Variants in MARCHF1 observed in about 807,000 individuals in gnomAD.
MARCHF1 encodes E3 ubiquitin-protein ligase MARCHF1.
MARCHF1 carries 40 observed loss-of-function variants against 54.2 expected under a neutral mutation model. That is an observed-to-expected ratio of 0.74 (90% CI 0.57 to 0.96). The LOEUF (loss-of-function observed/expected upper bound fraction) is 0.96. Ranked by LOEUF, MARCHF1 falls within the 40% of genes least tolerant of loss-of-function variation. The probability of loss-of-function intolerance (pLI) is 0.00; values close to 1 mark genes in which losing one functional copy is unlikely to be tolerated. For synonymous variants in MARCHF1, 236 were observed against 236.3 expected (o/e 1.00, Z 0.01); for missense variants, 586 against 656.5 (o/e 0.89, Z 1.17).
Position 163,807,005 on chromosome 4 carries a change from CAA to C in MARCHF1, c.111+47014_111+47015del, listed in dbSNP as rs1296939354. Among the ~76,000 whole-genome samples, 4 of 152,202 alleles carry C rather than the reference CAA, an allele frequency of 2.6e-5. No homozygotes were observed. In the East Asian group the frequency reaches 7.7e-4, roughly 29 times the overall value. On this transcript the variant is annotated intron_variant, in intron 4 of 9. Transcript: ENST00000514618. ...CTAAGCTTAAAATTAGAAGATGCCA[CAA>C]AAGAGTATCAGATAAAATATGCAAA...
intron 1 of MARCHF1, among the ~76,000 whole-genome samples, chr4:164,156,127 G>C (rs1730070282): frequency 6.6e-6 from 1 of 152,114 alleles, no homozygotes; most frequent in Non-Finnish European, 1.5e-5. Context: ...GTTGAAATGG[G>C]AAATCTGGGT....
At chr4:163,910,017 A>C (rs1489651447) in intron 3 of MARCHF1, among the ~76,000 whole-genome samples, 3 of 152,188 alleles carry the variant, frequency 2.0e-5, no homozygotes, top group Non-Finnish European at 4.4e-5. Flanking sequence ...AAATTATTTA[A>C]TTGTATCTCA....
chr4:163,898,146 T>C (rs779544099), intron 3 of MARCHF1, among the ~76,000 whole-genome samples: 2 of 149,710 alleles, frequency 1.3e-5, no homozygotes, highest in South Asian at 4.2e-4. Flanking sequence ...GAATTTATGG[T>C]AAAGACACCA....
intron 2 of MARCHF1, among the ~76,000 whole-genome samples, chr4:164,054,012 C>T (rs554914488): frequency 7.9e-4 from 120 of 152,108 alleles, no homozygotes; most frequent in Admixed American, 6.5e-4. Flanking sequence ...AGAAAATTTT[C>T]GCAACCTACT....
At chr4:163,929,085 T>C (rs1751599205) in intron 3 of MARCHF1, among the ~76,000 whole-genome samples, 2 of 152,022 alleles carry the variant, frequency 1.3e-5, no homozygotes, top group South Asian at 4.1e-4. Flanking sequence ...CATCCAAATA[T>C]TTTAATAGAG....
intron 4 of MARCHF1, among the ~76,000 whole-genome samples, chr4:163,714,091 T>G (rs781674150): frequency 2.6e-5 from 4 of 152,244 alleles, no homozygotes; most frequent in Non-Finnish European, 5.9e-5. Context: ...TGTCTCATGT[T>G]ATTCTTTCAC....
chr4:163,956,035 G>A (rs1482482252), intron 3 of MARCHF1, among the ~76,000 whole-genome samples: 1 of 152,038 alleles, frequency 6.6e-6, no homozygotes, highest in East Asian at 1.9e-4. Context: ...AGAAAAAAAG[G>A]TATGTTGTTA....
Position 163,866,427 on chromosome 4 carries a change from G to C in MARCHF1, c.-38-12258C>G, listed in dbSNP as rs532332180. Among the ~76,000 whole-genome samples, 139 of 133,120 alleles carry C rather than the reference G, an allele frequency of 1.0e-3. 1 individual carries two copies. Among genetic ancestry groups the C allele is most frequent in the African/African-American group, 3.3e-3 (130 of 39,348 alleles). The allele number at this position is 133,120 out of a possible 152,430, so 87.3% of individuals were successfully genotyped here. A position where few individuals can be genotyped will look rare whatever the true frequency, so the allele number is the denominator to read the frequency against. On this transcript the variant is annotated intron_variant, in intron 3 of 9. Transcript: ENST00000514618. The stretch of plus-strand genomic sequence containing the variant: ...AAATAGCATACAAGTTGGGAAAAGA[G>C]ACTATATGGAATTACGTGTTCTGAT...
At chr4:164,277,264 T>A (rs1233868836) in intron 1 of MARCHF1, among the ~76,000 whole-genome samples, 2 of 152,150 alleles carry the variant, frequency 1.3e-5, no homozygotes, top group Non-Finnish European at 2.9e-5. Flanking sequence ...CACCAGGGGC[T>A]ACAGCAATAT....
intron 1 of MARCHF1, among the ~76,000 whole-genome samples, chr4:164,326,999 GTA>G (rs1308186691): frequency 1.4e-4 from 21 of 149,238 alleles, no homozygotes; most frequent in African/African-American, 4.3e-4. Context: ...GTGTGTGTGT[GTA>G]TGACTTAGAA....
At chr4:164,026,448 G>A (rs1019873162) in intron 2 of MARCHF1, among the ~76,000 whole-genome samples, 3 of 152,016 alleles carry the variant, frequency 2.0e-5, no homozygotes, top group African/African-American at 7.2e-5. Context: ...ATAAATAAAT[G>A]TTATTCACTA....
chr4:164,285,396 A>C (rs1416684290), intron 1 of MARCHF1, among the ~76,000 whole-genome samples: 1 of 151,872 alleles, frequency 6.6e-6, no homozygotes, highest in Non-Finnish European at 1.5e-5. Context: ...ACATAGGAAG[A>C]CCCCATCTCT....
chr4:163,628,071 G>T (rs555444465), intron 5 of MARCHF1, among the ~76,000 whole-genome samples: 192 of 152,098 alleles, frequency 1.3e-3, no homozygotes, highest in African/African-American at 4.5e-3. Flanking sequence ...AAAATAAACT[G>T]TTGATAAATT....
chr4:164,227,788 G>A (rs1422997409), intron 1 of MARCHF1, among the ~76,000 whole-genome samples: 2 of 152,124 alleles, frequency 1.3e-5, no homozygotes, highest in Admixed American at 1.3e-4. Context: ...CTGAGAAGAA[G>A]AGAAATATTT....
intron 2 of MARCHF1, among the ~76,000 whole-genome samples, chr4:163,991,767 A>T (rs1302860757): frequency 6.6e-6 from 1 of 151,984 alleles, no homozygotes; most frequent in Non-Finnish European, 1.5e-5. Flanking sequence ...TGGAACATTC[A>T]CTCTTCACTG....
chr4:163,526,133 G>T lies in MARCHF1; in HGVS notation c.*2615C>A, dbSNP rs2110833874. ...ATAAAAGTTAATTGCAAGAATTTAG[G>T]TATAGTTTTAAAATCCCATGTCCTC... On this transcript the variant is annotated 3_prime_UTR_variant, in exon 10 of 10. Transcript: ENST00000514618. The T allele has an allele frequency of 6.6e-6, 1 of 152,114 alleles. No homozygotes were observed. Among genetic ancestry groups the T allele is most frequent in the South Asian group, 2.1e-4 (1 of 4,816 alleles). The allele number at this position is 152,114 out of a possible 1,614,324, so 9.4% of individuals were successfully genotyped here. A position where few individuals can be genotyped will look rare whatever the true frequency, so the allele number is the denominator to read the frequency against.
intron 1 of MARCHF1, among the ~76,000 whole-genome samples, chr4:164,233,527 C>T (rs2111186402): frequency 6.6e-6 from 1 of 152,264 alleles, no homozygotes; most frequent in South Asian, 2.1e-4. Flanking sequence ...CTGTTTACCT[C>T]TCATGACATA....
intron 1 of MARCHF1, among the ~76,000 whole-genome samples, chr4:164,205,138 T>C (rs983739204): frequency 5.9e-5 from 9 of 152,096 alleles, no homozygotes; most frequent in Admixed American, 3.9e-4. Flanking sequence ...TTATTCTTAA[T>C]CCCATAGAAA....
chr4:163,883,186 C>T (rs1416092404), intron 3 of MARCHF1, among the ~76,000 whole-genome samples: 1 of 150,610 alleles, frequency 6.6e-6, no homozygotes, highest in Non-Finnish European at 1.5e-5. Flanking sequence ...TAAACTAATA[C>T]AACAAATAAT....
Sources: allele counts gnomAD v4.1 joint callset (sites outside exome capture counted in the v4.1 genomes callset), GRCh38; gene constraint gnomAD v4.1.1; transcripts MANE v1.5; gene names NCBI Gene and HGNC (gene_info 2026-07-23, HGNC 2026-07-21).